The following PRDM15 variants were observed in gnomAD, a reference collection of about 807,000 sequenced individuals.
PRDM15 encodes PR/SET domain 15.
Under a neutral mutation model 128.6 loss-of-function variants are expected in PRDM15, and 64 were observed. The ratio of observed to expected loss-of-function variants is 0.50; its 90% CI spans 0.41 to 0.61. The LOEUF is 0.61. PRDM15 is among the 20% of genes least tolerant of loss of function. The pLI is 0.00. For synonymous variants in PRDM15, 615 were observed against 621.8 expected (o/e 0.99, Z 0.16); for missense variants, 1,242 against 1,569.1 (o/e 0.79, Z 3.52).
Position 41,822,026 on chromosome 21 carries a change from C to G in PRDM15, c.1773G>C (p.Leu591Phe). Residue 591 changes from leucine to phenylalanine, a missense_variant, in exon 15 of 24, where the codon TTG becomes TTC. Physicochemically the swap from Leu to Phe is conservative, Grantham distance 22. Around this residue, in one of 3 missense-constraint regions of PRDM15, gnomAD observed 602 missense variants for 788.3 expected, o/e 0.76. Coordinates refer to ENST00000398548, the MANE Select transcript of PRDM15 (RefSeq NM_001040424.3). ...HIHVHFKDIA[L>F]MDDHQREEFI... ...ACTCTTCCCTCTGGTGGTCATCCATCAACGCGATGTCCTGGAAAACAGCCA... is the reference window on the plus strand; with the variant it reads ...ACTCTTCCCTCTGGTGGTCATCCATGAACGCGATGTCCTGGAAAACAGCCA... 1 of 1,614,092 alleles carries G rather than the reference C, an allele frequency of 6.2e-7. No individual in the cohort carries two copies. Among genetic ancestry groups the G allele is most frequent in the Non-Finnish European group, 8.5e-7 (1 of 1,180,054 alleles).
chr21:41,839,437 T>A (rs1198452276), intron 7 of PRDM15, among the ~76,000 whole-genome samples, 186 bp downstream of exon 7: 3 of 152,234 alleles, frequency 2.0e-5, no homozygotes, highest in Non-Finnish European at 4.4e-5. Context: ...TGACATGTAT[T>A]ACATGGAAAT....
At chr21:41,823,155 G>GACC (rs1568926641) in intron 14 of PRDM15, 163 bp downstream of exon 14, 1 of 900,294 alleles carries the variant, frequency 1.1e-6, no homozygotes, top group Admixed American at 2.0e-5. Flanking sequence ...GCCAGACACC[G>GACC]AATCTATGGG....
intron 1 of PRDM15, among the ~76,000 whole-genome samples, chr21:41,869,972 C>G (rs1321996882): frequency 6.6e-6 from 1 of 152,226 alleles, no homozygotes; most frequent in Non-Finnish European, 1.5e-5. Context: ...CCAGCAGCAC[C>G]ACGCTCGGCG....
intron 10 of PRDM15, among the ~76,000 whole-genome samples, chr21:41,835,725 G>A (rs1482538437): frequency 6.6e-6 from 1 of 152,106 alleles, no homozygotes; most frequent in Non-Finnish European, 1.5e-5. Context: ...CACACTCAGG[G>A]AGCCCCACTC....
At chr21:41,858,150 A>G (rs1298274376) in intron 3 of PRDM15, among the ~76,000 whole-genome samples, 2 of 152,260 alleles carry the variant, frequency 1.3e-5, no homozygotes, top group Non-Finnish European at 2.9e-5. Context: ...AAGGGTTTCC[A>G]GCCAAGTGGA....
At position 41,828,145 on chromosome 21, in the gene PRDM15, C is replaced by G; in HGVS notation, c.1534+21G>C. 1 of 1,611,540 alleles carries G rather than the reference C, an allele frequency of 6.2e-7. No individual in the cohort carries two copies. The highest frequency in any genetic ancestry group is 8.5e-7 in the Non-Finnish European group (1 of 1,179,240). ...AGGAGCTGCCTCTCCCCGCCCGCAG[C>G]AGGTGCGCAGGCGGCCTCACCTTCC... is the stretch of plus-strand genomic sequence containing the variant. On this transcript the variant is annotated intron_variant, in intron 12 of 23. Transcript: ENST00000398548. This position sits in a 1 kb window ranked among gnomAD's most constrained non-coding sequence, Gnocchi z 5.7.
intron 9 of PRDM15, 26 bp downstream of exon 9, chr21:41,836,442 G>A: frequency 6.3e-7 from 1 of 1,596,914 alleles, no homozygotes; most frequent in South Asian, 1.1e-5. Flanking sequence ...CTGGCCCCGG[G>A]CGCCAGCCGG....
intron 1 of PRDM15, among the ~76,000 whole-genome samples, chr21:41,874,514 TATA>T (rs1415950353): frequency 3.1e-5 from 2 of 65,476 alleles, no homozygotes; most frequent in African/African-American, 1.1e-4. Context: ...TATATATATA[TATA>T]TATATATATT....
At position 41,828,447 on chromosome 21, in the gene PRDM15, G is replaced by C. The variant is rs943208872; in HGVS notation, c.1367-114C>G. 9.8e-7 allele frequency: 1 copy of C among 1,024,926 alleles called. No individual in the cohort carries two copies. Among genetic ancestry groups the C allele is most frequent in the South Asian group, 1.4e-5 (1 of 71,836 alleles). 63.5% of individuals were successfully genotyped at this position (1,024,926 alleles called of 1,614,324 possible). On this transcript the variant is annotated intron_variant, in intron 11 of 23. Transcript: ENST00000398548. The surrounding 1 kb of genome is among the most constrained non-coding windows in gnomAD (Gnocchi z 5.7). ...CGCGGGTGACGGGCATGAGAGTCAC[G>C]GGGATGCGTGGCCAGGAAGAAAACA...
chr21:41,871,786 G>A (rs1337818291), intron 1 of PRDM15: 10 of 705,996 alleles, frequency 1.4e-5, no homozygotes, highest in Admixed American at 6.1e-5. Flanking sequence ...GACCTGCTGC[G>A]TTTCATCACC....
At position 41,810,782 on chromosome 21, in the gene PRDM15, G is replaced by A; in HGVS notation, c.2447C>T (p.Thr816Ile). The change falls in exon 20 of 24, where the codon ACC becomes ATC. Residue 816 changes from threonine to isoleucine, a missense_variant. Physicochemically the swap from Thr to Ile is moderately conservative, Grantham distance 89 (BLOSUM62 -1). Transcript: ENST00000398548. This position sits in a 1 kb window ranked among gnomAD's most constrained non-coding sequence, Gnocchi z 6.4. Reference protein sequence around the residue: ...LCGKTFSERNTMETHKLIHTV... With the variant: ...LCGKTFSERNIMETHKLIHTV... ...GTGGATGAGCTTGTGGGTCTCCATG[G>A]TGTTCCTCTCGCTGAATGTCTTCCC... 6.2e-7 allele frequency: 1 copy of A among 1,614,122 alleles called. No homozygotes were observed.
intron 4 of PRDM15, among the ~76,000 whole-genome samples, chr21:41,855,828 C>T (rs549343276): frequency 2.0e-5 from 3 of 152,348 alleles, no homozygotes; most frequent in African/African-American, 2.4e-5. Context: ...AGGTAGCCAA[C>T]GGCCTTTCTG....
intron 6 of PRDM15, among the ~76,000 whole-genome samples, chr21:41,841,890 T>C (rs1241989661): frequency 6.6e-6 from 1 of 152,338 alleles, no homozygotes; most frequent in East Asian, 1.9e-4. Flanking sequence ...TTTTGCTTAT[T>C]ATTAGACTAT....
intron 1 of PRDM15, chr21:41,871,575 A>T (rs769386739): frequency 1.9e-6 from 3 of 1,612,220 alleles, no homozygotes; most frequent in Non-Finnish European, 1.7e-6. Flanking sequence ...TTCCCTAGAG[A>T]TGTTTCCAAG....
chr21:41,807,333 TTAACTAGTCCAACAGTTAAACTA>T (rs1415591577), intron 21 of PRDM15, among the ~76,000 whole-genome samples: 1 of 152,224 alleles, frequency 6.6e-6, no homozygotes, highest in East Asian at 1.9e-4. Context: ...TTATGCCTGT[TTAACTAGTCCAACAGTTAAACTA>T]TAACTAGTTT....
Position 41,834,518 on chromosome 21 carries a change from A to T in PRDM15, c.1366+919T>A, listed in dbSNP as rs1341022574. The T allele has an allele frequency of 1.9e-6, 3 of 1,550,364 alleles. No homozygotes were observed. In the Admixed American group the frequency reaches 5.9e-5, roughly 30 times the overall value. On this transcript the variant is annotated intron_variant, in intron 11 of 23. Transcript: ENST00000398548. The stretch of plus-strand genomic sequence containing the variant: ...TCGAAGGCTAACCTGGTAGGTCTCT[A>T]AGCCGACTGCCGCCGGGCCCCCCCT...
chr21:41,805,534 T>C (rs2061534271), intron 21 of PRDM15, among the ~76,000 whole-genome samples: 1 of 152,138 alleles, frequency 6.6e-6, no homozygotes, highest in South Asian at 2.1e-4. Flanking sequence ...CTGGAAAAGA[T>C]GGCAAACAAA....
intron 18 of PRDM15, 138 bp downstream of exon 18, chr21:41,819,438 CCACACT>C: frequency 9.5e-7 from 1 of 1,049,070 alleles, no homozygotes; most frequent in East Asian, 2.8e-5. Flanking sequence ...CCCACCTTTC[CCACACT>C]CGGCCCGTGG....
intron 1 of PRDM15, chr21:41,878,785 A>G: frequency 7.1e-7 from 1 of 1,411,646 alleles, no homozygotes; most frequent in South Asian, 1.4e-5. Flanking sequence ...GGGGATAACG[A>G]CATCCCCTGG....
Sources: allele counts gnomAD v4.1 joint callset (sites outside exome capture counted in the v4.1 genomes callset), GRCh38; gene constraint gnomAD v4.1.1; regional missense constraint gnomAD v4.1.1; non-coding constraint Gnocchi (gnomAD v3.1); transcripts MANE v1.5; gene names NCBI Gene and HGNC (gene_info 2026-07-23, HGNC 2026-07-21).